The following LYPLAL1 variants were observed in gnomAD, a reference collection of about 807,000 sequenced individuals.
The protein encoded by LYPLAL1 is lysophospholipase-like protein 1.
A neutral mutation model predicts 19.7 loss-of-function variants in LYPLAL1; 23 were observed. The observed-to-expected ratio is 1.17, with a 90% CI of 0.84 to 1.65. LYPLAL1 has a LOEUF of 1.65. Ranked by LOEUF, LYPLAL1 falls within the 40% of genes most tolerant of loss-of-function variation. The pLI is 0.00. For missense variants in LYPLAL1, 355 were observed against 279.4 expected (o/e 1.27, Z -1.93); for synonymous variants, 119 against 96.3 (o/e 1.24, Z -1.38).
the LYPLAL1 span, among the ~76,000 whole-genome samples, chr1:219,403,653 C>T: frequency 6.6e-6 from 1 of 152,206 alleles, no homozygotes; most frequent in Non-Finnish European, 1.5e-5. Context: ...CAAAATATAA[C>T]CTCTGGATGC....
At chr1:219,333,611 G>A in the LYPLAL1 span, among the ~76,000 whole-genome samples, 1 of 152,030 alleles carries the variant, frequency 6.6e-6, no homozygotes, top group Admixed American at 6.6e-5. Context: ...GACATAAAGA[G>A]ATAATTGAAG....
At chr1:219,237,153 A>G in the LYPLAL1 span, among the ~76,000 whole-genome samples, 1 of 152,246 alleles carries the variant, frequency 6.6e-6, no homozygotes, top group South Asian at 2.1e-4. Context: ...ATGCACACTC[A>G]TTGGAAATTT....
chr1:219,382,894 T>C, the LYPLAL1 span, among the ~76,000 whole-genome samples: 2 of 151,568 alleles, frequency 1.3e-5, 1 homozygote, highest in South Asian at 4.1e-4. Context: ...TATGGCCAAC[T>C]CCAAACAAAG....
At chr1:219,360,290 A>T in the LYPLAL1 span, among the ~76,000 whole-genome samples, 1 of 152,152 alleles carries the variant, frequency 6.6e-6, no homozygotes, top group Non-Finnish European at 1.5e-5. Flanking sequence ...CTTCTTGGTG[A>T]TAAATTTTAG....
intron 3 of LYPLAL1, among the ~76,000 whole-genome samples, chr1:219,206,537 A>G: frequency 6.6e-6 from 1 of 152,064 alleles, no homozygotes. Context: ...GAGGAGTTGC[A>G]GATTACCTCA....
chr1:219,185,063 A>G (rs1193408093), intron 2 of LYPLAL1, among the ~76,000 whole-genome samples: 2 of 151,920 alleles, frequency 1.3e-5, no homozygotes, highest in African/African-American at 2.4e-5. Flanking sequence ...GGTTTTGATA[A>G]TGAATTCAAT....
At chr1:219,417,051 A>G in the LYPLAL1 span, among the ~76,000 whole-genome samples, 4 of 152,238 alleles carry the variant, frequency 2.6e-5, no homozygotes, top group African/African-American at 4.8e-5. Flanking sequence ...TAGCTGAGAT[A>G]GTGTCAATCA....
the LYPLAL1 span, among the ~76,000 whole-genome samples, chr1:219,348,911 A>G: frequency 6.6e-6 from 1 of 152,216 alleles, no homozygotes; most frequent in Non-Finnish European, 1.5e-5. Flanking sequence ...GTGATGGAGT[A>G]AAACATCATC....
At chr1:219,364,576 T>C in the LYPLAL1 span, among the ~76,000 whole-genome samples, 1 of 152,200 alleles carries the variant, frequency 6.6e-6, no homozygotes, top group African/African-American at 2.4e-5. Flanking sequence ...TTGTGATTAC[T>C]TTTTAGTTTG....
the LYPLAL1 span, among the ~76,000 whole-genome samples, chr1:219,253,020 T>C: frequency 6.6e-6 from 1 of 152,062 alleles, no homozygotes; most frequent in African/African-American, 2.4e-5. Flanking sequence ...CTTGAGAGAA[T>C]GTATGTGACC....
At chr1:219,192,733 G>A (rs1657282319) in intron 2 of LYPLAL1, among the ~76,000 whole-genome samples, 1 of 151,498 alleles carries the variant, frequency 6.6e-6, no homozygotes, top group Non-Finnish European at 1.5e-5. Flanking sequence ...GTGTGTGCCT[G>A]TGCACGTATG....
At chr1:219,314,492 T>C in the LYPLAL1 span, among the ~76,000 whole-genome samples, 1 of 152,206 alleles carries the variant, frequency 6.6e-6, no homozygotes, top group African/African-American at 2.4e-5. Context: ...TCGCCCAGGC[T>C]GGAGTGCAGT....
At chr1:219,204,607 A>G (rs192825759) in intron 3 of LYPLAL1, among the ~76,000 whole-genome samples, 67 of 152,300 alleles carry the variant, frequency 4.4e-4, no homozygotes, top group Admixed American at 4.4e-3. Context: ...ATTACATGTC[A>G]GTGTTTTCTA....
the LYPLAL1 span, among the ~76,000 whole-genome samples, chr1:219,306,800 G>GATA: frequency 1.1e-3 from 115 of 102,286 alleles, no homozygotes; most frequent in East Asian, 8.7e-3. Context: ...ATAGACAGAT[G>GATA]CATAGATAGA....
the LYPLAL1 span, among the ~76,000 whole-genome samples, chr1:219,220,806 G>T: frequency 1.3e-5 from 2 of 152,094 alleles, no homozygotes; most frequent in South Asian, 2.1e-4. Flanking sequence ...GCACATTATT[G>T]TCAGATACCA....
At chr1:219,441,771 C>G in the LYPLAL1 span, among the ~76,000 whole-genome samples, 1 of 152,130 alleles carries the variant, frequency 6.6e-6, no homozygotes, top group African/African-American at 2.4e-5. Context: ...AGCATACTCT[C>G]CACTCATTCC....
the LYPLAL1 span, among the ~76,000 whole-genome samples, chr1:219,293,515 T>C: frequency 1.3e-5 from 2 of 152,188 alleles, no homozygotes; most frequent in Non-Finnish European, 2.9e-5. Flanking sequence ...ACATTGTTTT[T>C]CTCATCTGTC....
the LYPLAL1 span, among the ~76,000 whole-genome samples, chr1:219,375,835 G>A: frequency 1.7e-4 from 25 of 149,832 alleles, no homozygotes; most frequent in Admixed American, 2.7e-4. Flanking sequence ...TCCACCTCCC[G>A]GGTTCATGCC....
chr1:219,261,101 G>C, the LYPLAL1 span, among the ~76,000 whole-genome samples: 1 of 152,012 alleles, frequency 6.6e-6, no homozygotes. Flanking sequence ...AGAGGAAAAG[G>C]CATCGCCTTA....
Sources: gnomAD v4.1 joint callset for allele counts (sites outside exome capture counted in the v4.1 genomes callset) on GRCh38, gnomAD v4.1.1 for gene constraint, MANE v1.5 for transcripts, NCBI Gene and HGNC (gene_info 2026-07-23, HGNC 2026-07-21) for gene names.